The following SLC44A1 variants were observed in gnomAD, a reference collection of about 807,000 sequenced individuals.
SLC44A1 encodes choline transporter-like protein 1.
SLC44A1 carries 26 observed loss-of-function variants against 79.3 expected under a neutral mutation model. The observed-to-expected ratio is 0.33, with a 90% CI of 0.24 to 0.46. The LOEUF is 0.46. Ranked by LOEUF, SLC44A1 falls within the 20% of genes least tolerant of loss-of-function variation. The probability of loss-of-function intolerance (pLI) is 1.00; values close to 1 mark genes in which losing one functional copy is unlikely to be tolerated. For synonymous variants in SLC44A1, 263 were observed against 286.2 expected, an observed-to-expected ratio of 0.92 and a Z score of 0.82; for missense variants, 688 against 798.1, an observed-to-expected ratio of 0.86 and a Z score of 1.66.
At chr9:105,345,226 G>A (rs564016660) in intron 4 of SLC44A1, among the ~76,000 whole-genome samples, 1 of 152,228 alleles carries the variant, frequency 6.6e-6, no homozygotes, top group East Asian at 1.9e-4. Flanking sequence ...AGGTCATGAA[G>A]GTCTGAGATA....
At chr9:105,326,674 A>T (rs1826587638) in intron 3 of SLC44A1, among the ~76,000 whole-genome samples, 2 of 152,196 alleles carry the variant, frequency 1.3e-5, no homozygotes, top group African/African-American at 4.8e-5. Context: ...ATACATATGG[A>T]TTTGCACATC....
chr9:105,356,170 A>G (rs753881476), intron 5 of SLC44A1, 42 bp from the exon 6 acceptor site: 20 of 1,499,840 alleles, frequency 1.3e-5, no homozygotes, highest in Admixed American at 1.2e-4. Context: ...TATATTAAGT[A>G]GGAGTAATTT....
intron 2 of SLC44A1, among the ~76,000 whole-genome samples, chr9:105,300,738 T>C (rs1290380976): frequency 1.3e-5 from 2 of 152,068 alleles, no homozygotes; most frequent in African/African-American, 4.8e-5. Context: ...AGCTGAAATA[T>C]AACATGCATG....
chr9:105,303,357 A>T (rs940082202), intron 2 of SLC44A1, among the ~76,000 whole-genome samples: 1 of 152,038 alleles, frequency 6.6e-6, no homozygotes, highest in Non-Finnish European at 1.5e-5. Context: ...GAGAATGGAG[A>T]TCTACCTGGA....
chr9:105,324,910 A>G (rs1826523191), intron 3 of SLC44A1, among the ~76,000 whole-genome samples: 1 of 152,238 alleles, frequency 6.6e-6, no homozygotes, highest in Non-Finnish European at 1.5e-5. Flanking sequence ...TGGGAATGTA[A>G]AATATGATAG....
chr9:105,368,530 G>A (rs562658733), intron 12 of SLC44A1, among the ~76,000 whole-genome samples: 2 of 152,128 alleles, frequency 1.3e-5, no homozygotes, highest in Admixed American at 6.5e-5. Flanking sequence ...GGCAAATCAC[G>A]AGACCTAAAG....
chr9:105,338,693 T>C (rs1158334245), intron 4 of SLC44A1, among the ~76,000 whole-genome samples: 2 of 152,224 alleles, frequency 1.3e-5, no homozygotes, highest in East Asian at 3.8e-4. Context: ...GGATTGCAGG[T>C]ATGAGCCAGA....
intron 1 of SLC44A1, among the ~76,000 whole-genome samples, chr9:105,273,294 A>G (rs1830120114): frequency 6.6e-6 from 1 of 152,144 alleles, no homozygotes; most frequent in African/African-American, 2.4e-5. Context: ...GCCCAGCCCG[A>G]TAATTTTTAT....
chr9:105,254,082 A>G (rs1829650267), intron 1 of SLC44A1, among the ~76,000 whole-genome samples: 1 of 152,212 alleles, frequency 6.6e-6, no homozygotes, highest in South Asian at 2.1e-4. Flanking sequence ...CCTTAAATCC[A>G]AATAGCTAAA....
intron 15 of SLC44A1, among the ~76,000 whole-genome samples, chr9:105,419,565 A>G (rs1292092103): frequency 6.6e-6 from 1 of 152,208 alleles, no homozygotes; most frequent in East Asian, 1.9e-4. Flanking sequence ...AATTATTAAT[A>G]CAAATTAATT....
intron 13 of SLC44A1, among the ~76,000 whole-genome samples, chr9:105,378,227 C>T (rs768237421): frequency 6.6e-5 from 10 of 152,152 alleles, no homozygotes; most frequent in African/African-American, 1.2e-4. Flanking sequence ...GCAGCCCGGA[C>T]GACAAAGCGG....
intron 2 of SLC44A1, among the ~76,000 whole-genome samples, chr9:105,304,051 G>C (rs559187186): frequency 6.6e-6 from 1 of 152,208 alleles, no homozygotes; most frequent in Admixed American, 6.6e-5. Context: ...GAATTTGTGA[G>C]TAAGGAGAAG....
intron 13 of SLC44A1, among the ~76,000 whole-genome samples, chr9:105,376,530 T>C (rs1167253714): frequency 6.6e-6 from 1 of 152,026 alleles, no homozygotes; most frequent in Non-Finnish European, 1.5e-5. Context: ...TGCACCACCA[T>C]GCCCATCTAA....
chr9:105,307,168 T>C (rs1831054461), intron 2 of SLC44A1, among the ~76,000 whole-genome samples: 1 of 152,196 alleles, frequency 6.6e-6, no homozygotes, highest in Non-Finnish European at 1.5e-5. Context: ...CATTTAGTTC[T>C]CATCATTAGG....
At chr9:105,414,740 T>C (rs1306247759) in intron 15 of SLC44A1, among the ~76,000 whole-genome samples, 8 of 152,042 alleles carry the variant, frequency 5.3e-5, no homozygotes, top group Admixed American at 5.2e-4. Flanking sequence ...TAGGCTGTAG[T>C]ACGTGATGAA....
intron 15 of SLC44A1, among the ~76,000 whole-genome samples, chr9:105,430,749 T>C (rs1829382065): frequency 6.6e-6 from 1 of 152,244 alleles, no homozygotes; most frequent in South Asian, 2.1e-4. Context: ...CACAAGTTTT[T>C]GTGCGGACAT....
chr9:105,418,045 G>A (rs1829195269), intron 15 of SLC44A1, among the ~76,000 whole-genome samples: 2 of 152,012 alleles, frequency 1.3e-5, no homozygotes, highest in African/African-American at 2.4e-5. Flanking sequence ...GCTGGGTGCG[G>A]TGGCTCACGC....
At chr9:105,325,307 C>A (rs1052755889) in intron 3 of SLC44A1, among the ~76,000 whole-genome samples, 1 of 152,146 alleles carries the variant, frequency 6.6e-6, no homozygotes, top group African/African-American at 2.4e-5. Context: ...TGTATAGAGA[C>A]ATAAGGTAGA....
chr9:105,251,421 G>A (rs565467171), intron 1 of SLC44A1, among the ~76,000 whole-genome samples: 2 of 152,200 alleles, frequency 1.3e-5, no homozygotes, highest in South Asian at 2.1e-4. Flanking sequence ...AGATCTCTCC[G>A]TAACTGTTCA....
Sources: gnomAD v4.1 joint callset for allele counts (sites outside exome capture counted in the v4.1 genomes callset) on GRCh38, gnomAD v4.1.1 for gene constraint, MANE v1.5 for transcripts, NCBI Gene and HGNC (gene_info 2026-07-23, HGNC 2026-07-21) for gene names.